Variants in MYO16 observed in about 807,000 individuals in gnomAD.
MYO16 encodes the protein myosin XVI.
MYO16 carries 94 observed loss-of-function variants against 205.3 expected under a neutral mutation model. The ratio of observed to expected loss-of-function variants is 0.46; its 90% CI spans 0.39 to 0.54. The LOEUF (loss-of-function observed/expected upper bound fraction) is 0.54, where lower values mean the gene tolerates loss of function less well. Ranked by LOEUF, MYO16 falls within the 20% of genes least tolerant of loss-of-function variation. The pLI is 0.00. For missense variants in MYO16, 2,315 were observed against 2,387.5 expected (o/e 0.97, Z 0.63); for synonymous variants, 988 against 954.0 (o/e 1.04, Z -0.66).
chr13:108,883,093 T>G lies in MYO16; in HGVS notation c.1460T>G (p.Leu487Arg), dbSNP rs376644730. ...SQLYFSSSGKLCSSLPPHLFS... is the reference protein window; with the variant it reads ...SQLYFSSSGKRCSSLPPHLFS... ...CTGTATTTCAGCTCCTCAGGGAAGC[T>G]GTGTTCCTCGCTGCCTCCTCACCTC... Residue 487 changes from leucine to arginine, a missense_variant, in exon 13 of 35, where the codon CTG (leucine) becomes CGG (arginine). Transcript: ENST00000457511. The G allele has an allele frequency of 1.7e-5, 28 of 1,614,016 alleles. No individual in the cohort carries two copies. Among genetic ancestry groups the G allele is most frequent in the Non-Finnish European group, 2.3e-5 (27 of 1,180,004 alleles).
At chr13:109,050,303 C>T (rs1011886254) in intron 24 of MYO16, among the ~76,000 whole-genome samples, 1 of 151,784 alleles carries the variant, frequency 6.6e-6, no homozygotes, top group African/African-American at 2.4e-5. Flanking sequence ...GTAGAAATCG[C>T]TCTGTTTGAG....
intron 33 of MYO16, chr13:109,166,579 C>T (rs1402540151): frequency 2.0e-5 from 3 of 152,168 alleles, no homozygotes; most frequent in Non-Finnish European, 4.4e-5. Context: ...CCAATGCTGA[C>T]GAAAGAGCAC....
intron 20 of MYO16, among the ~76,000 whole-genome samples, chr13:108,986,838 A>G (rs1018170859): frequency 7.9e-5 from 12 of 152,218 alleles, no homozygotes; most frequent in East Asian, 3.9e-4. Flanking sequence ...AAGACCACCA[A>G]TTGGAAATAG....
rs1335429198 is a variant in MYO16 at position 108,855,637 on chromosome 13, G to A, written c.1359+84G>A. ...CCCTTCAGTGCTTCAAATGTTGCAA[G>A]TAAAGGGCTCATTGGAGCTTCTGGT... On this transcript the variant is annotated intron_variant, in intron 11 of 34. Transcript: ENST00000457511. 1.1e-5 allele frequency: 10 copies of A among 919,782 alleles called. No homozygotes were observed. The Admixed American group carries it at 1.8e-4, about 16-fold the overall frequency. The allele number at this position is 919,782 out of a possible 1,614,324, so 57.0% of individuals were successfully genotyped here.
intron 34 of MYO16, among the ~76,000 whole-genome samples, chr13:109,185,165 G>T (rs1445582955): frequency 6.6e-6 from 1 of 152,118 alleles, no homozygotes; most frequent in Non-Finnish European, 1.5e-5. Flanking sequence ...ATTGTATAGT[G>T]GAGGAGTAAC....
At chr13:108,824,533 T>A (rs1206012351) in intron 9 of MYO16, among the ~76,000 whole-genome samples, 1 of 152,096 alleles carries the variant, frequency 6.6e-6, no homozygotes. Context: ...GTTAAAGATG[T>A]TAATGCCCAA....
intron 4 of MYO16, among the ~76,000 whole-genome samples, chr13:108,751,130 A>T (rs1229782215): frequency 6.6e-6 from 1 of 152,082 alleles, no homozygotes; most frequent in Non-Finnish European, 1.5e-5. Flanking sequence ...CAAATCCATG[A>T]CACTTTCATA....
chr13:108,687,039 T>A (rs1405288099), intron 2 of MYO16, among the ~76,000 whole-genome samples: 1 of 152,224 alleles, frequency 6.6e-6, no homozygotes, highest in African/African-American at 2.4e-5. Flanking sequence ...CTGCTTTGGT[T>A]TGGCTGCCTA....
At chr13:108,781,184 C>T (rs1346699449) in intron 4 of MYO16, among the ~76,000 whole-genome samples, 2 of 152,206 alleles carry the variant, frequency 1.3e-5, no homozygotes, top group Non-Finnish European at 2.9e-5. Context: ...GGATTCTCTA[C>T]CACTGATAAG....
At chr13:108,652,272 C>T (rs900648132) in intron 1 of MYO16, among the ~76,000 whole-genome samples, 2 of 152,132 alleles carry the variant, frequency 1.3e-5, no homozygotes, top group South Asian at 2.1e-4. Flanking sequence ...GAATTCCTAG[C>T]AAATACTTTT....
intron 1 of MYO16, among the ~76,000 whole-genome samples, chr13:108,637,857 A>G (rs1196862500): frequency 2.0e-5 from 3 of 151,982 alleles, no homozygotes; most frequent in Non-Finnish European, 4.4e-5. Context: ...CCTGGGCAAC[A>G]CAAATAAATA....
At chr13:109,134,209 A>G (rs1300230193) in intron 31 of MYO16, among the ~76,000 whole-genome samples, 1 of 152,192 alleles carries the variant, frequency 6.6e-6, no homozygotes, top group Non-Finnish European at 1.5e-5. Context: ...TCACTGATCA[A>G]TGGTGTAACT....
chr13:108,583,895 T>C, the MYO16 span, among the ~76,000 whole-genome samples: 31 of 152,194 alleles, frequency 2.0e-4, no homozygotes, highest in African/African-American at 7.0e-4. Context: ...TATCAAAAGA[T>C]TAAAAATAAA....
At chr13:109,011,202 G>C (rs371038479) in intron 22 of MYO16, among the ~76,000 whole-genome samples, 2 of 151,924 alleles carry the variant, frequency 1.3e-5, no homozygotes, top group African/African-American at 2.4e-5. Flanking sequence ...GCTTTTGCAG[G>C]CATTCCTACT....
the MYO16 span, among the ~76,000 whole-genome samples, chr13:108,528,877 A>G: frequency 6.6e-6 from 1 of 151,428 alleles, no homozygotes; most frequent in East Asian, 2.0e-4. Flanking sequence ...AAGCAAATGA[A>G]GGGGTGGGAA....
chr13:109,201,534 A>G lies in MYO16; in HGVS notation c.5416-5075A>G, dbSNP rs77643712. 744 of 147,362 alleles carry G rather than the reference A, an allele frequency of 5.0e-3. 8 individuals are homozygous for G. The highest frequency in any genetic ancestry group is 0.017 in the African/African-American group (687 of 39,602). 9.1% of individuals were successfully genotyped at this position (147,362 alleles called of 1,614,324 possible). Reference sequence around the variant, plus strand: ...AAAATCTTATTCTTTCTATTAATGTAAGAGGTTTGATGACAAATTCCCTCA... The same window carrying G: ...AAAATCTTATTCTTTCTATTAATGTGAGAGGTTTGATGACAAATTCCCTCA... On this transcript the variant is annotated intron_variant, in intron 34 of 34. Coordinates refer to ENST00000457511, the MANE Select transcript of MYO16 (RefSeq NM_001198950.3).
chr13:108,925,389 T>A (rs1320542141), intron 16 of MYO16, among the ~76,000 whole-genome samples: 1 of 152,202 alleles, frequency 6.6e-6, no homozygotes, highest in Admixed American at 6.5e-5. Context: ...ACCTTTTACT[T>A]ACTTGTTGGT....
At chr13:109,076,643 C>T (rs928109742) in intron 27 of MYO16, among the ~76,000 whole-genome samples, 3 of 152,172 alleles carry the variant, frequency 2.0e-5, no homozygotes, top group African/African-American at 4.8e-5. Context: ...AGACACCTAA[C>T]ACTCCGCAAG....
intron 1 of MYO16, among the ~76,000 whole-genome samples, chr13:108,643,080 C>T (rs1198593307): frequency 6.6e-6 from 1 of 152,102 alleles, no homozygotes; most frequent in Non-Finnish European, 1.5e-5. Flanking sequence ...GAGGGACCCA[C>T]CATGTAAGGG....
Sources: allele counts gnomAD v4.1 joint callset (sites outside exome capture counted in the v4.1 genomes callset), GRCh38; gene constraint gnomAD v4.1.1; transcripts MANE v1.5; gene names NCBI Gene and HGNC (gene_info 2026-07-23, HGNC 2026-07-21).